Variants in TNRC18 observed in about 807,000 individuals in gnomAD.
TNRC18 encodes the protein trinucleotide repeat-containing gene 18 protein.
TNRC18 carries 69 observed loss-of-function variants against 226.7 expected under a neutral mutation model. The ratio of observed to expected loss-of-function variants is 0.30; its 90% CI spans 0.25 to 0.37. The LOEUF (loss-of-function observed/expected upper bound fraction) is 0.37. TNRC18 is among the 10% of genes least tolerant of loss of function. The probability of loss-of-function intolerance (pLI) is 1.00; values close to 1 mark genes in which losing one functional copy is unlikely to be tolerated. For synonymous variants in TNRC18, 2,449 were observed against 1,927.6 expected, an observed-to-expected ratio of 1.27 and a Z score of -7.09; for missense variants, 4,754 against 4,256.6, an observed-to-expected ratio of 1.12 and a Z score of -3.25.
In TNRC18 at chr7:5,374,405, T is replaced by C; in HGVS notation, c.2879A>G (p.Lys960Arg). The change falls in exon 10 of 30, where the codon AAG becomes AGG. Residue 960 changes from lysine to arginine, a missense_variant. By Grantham distance (26) the Lys-to-Arg change is conservative. Transcript: ENST00000430969. ...GGGGCCGGCGGTGGCCAGGCCAGCC[T>C]TGCCCGCAGCCTCCAGGCCCCGCTT... ...GSKRGLEAAG[K>R]AGLATAGPGL... The C allele has an allele frequency of 6.5e-7, 1 of 1,534,440 alleles. No homozygotes were observed. The highest frequency in any genetic ancestry group is 1.2e-5 in the South Asian group (1 of 83,462).
chr7:5,335,121 G>C (rs957457966), intron 18 of TNRC18, among the ~76,000 whole-genome samples: 1 of 151,504 alleles, frequency 6.6e-6, no homozygotes, highest in African/African-American at 2.4e-5. Flanking sequence ...GGCTAACATG[G>C]TGAGAAACCT....
At chr7:5,319,393 G>A (rs1788133380) in intron 24 of TNRC18, among the ~76,000 whole-genome samples, 1 of 152,096 alleles carries the variant, frequency 6.6e-6, no homozygotes, top group Admixed American at 6.6e-5. Flanking sequence ...CCCCTCTCTA[G>A]GATACACTGC....
At position 5,308,166 on chromosome 7, in the gene TNRC18, G is replaced by C. The variant is rs377715514; in HGVS notation, c.8847C>G (p.Gly2949=). The C allele has an allele frequency of 3.8e-6, 6 of 1,584,264 alleles. No individual in the cohort carries two copies. The highest frequency in any genetic ancestry group is 1.8e-5 in the Admixed American group (1 of 55,468). The change falls in exon 30 of 30, where the codon GGC becomes GGG. Residue 2949 remains glycine (G), a synonymous_variant. Transcript: ENST00000430969. ...TCATGCCCGTGGTGGGCTCGTAGGT[G>C]CCCGCGAGGTAGTACAGGCCCTCGC... is the stretch of plus-strand genomic sequence containing the variant. ...QDSEGLYYLA[G]TYEPTTGMIF...
At chr7:5,381,933 T>G (rs988480657) in intron 5 of TNRC18, among the ~76,000 whole-genome samples, 2 of 152,142 alleles carry the variant, frequency 1.3e-5, no homozygotes, top group African/African-American at 4.8e-5. Context: ...AGCACTGCAC[T>G]CCAGCCTGGG....
intron 5 of TNRC18, among the ~76,000 whole-genome samples, chr7:5,378,989 T>C (rs1779205545): frequency 6.7e-6 from 1 of 149,422 alleles, no homozygotes; most frequent in Non-Finnish European, 1.5e-5. Context: ...AGGTCAGGAG[T>C]TCGAGACCAG....
rs1787517451 is a variant in TNRC18, at chr7:5,313,539, G to A, written c.7352C>T (p.Pro2451Leu). The A allele has an allele frequency of 1.2e-6, 2 of 1,611,410 alleles. No individual in the cohort carries two copies. Among genetic ancestry groups the A allele is most frequent in the Non-Finnish European group, 1.7e-6 (2 of 1,178,928 alleles). ...RAAEESGAKG[P>L]RRPGEEAELL... The stretch of plus-strand genomic sequence containing the variant: ...CTCGGCCTCCTCCCCCGGCCTCCGA[G>A]GGCCCTTGGCACCCGACTCCTCGGC... Residue 2451 changes from proline (P) to leucine (L), a missense_variant, in exon 27 of 30, where the codon CCT becomes CTT. Transcript: ENST00000430969.
chr7:5,400,940 G>C (rs746081095), intron 2 of TNRC18, among the ~76,000 whole-genome samples: 1 of 152,180 alleles, frequency 6.6e-6, no homozygotes, highest in Non-Finnish European at 1.5e-5. Context: ...TACCCTGGAA[G>C]CTGAGGTGGG....
intron 2 of TNRC18, among the ~76,000 whole-genome samples, chr7:5,410,712 A>G (rs545023795): frequency 6.6e-6 from 1 of 150,998 alleles, no homozygotes; most frequent in East Asian, 2.0e-4. Context: ...CTAAAAATAC[A>G]AAAATTAGTC....
intron 19 of TNRC18, chr7:5,330,029 C>T (rs1789350105): frequency 2.1e-6 from 1 of 470,608 alleles, no homozygotes; most frequent in Non-Finnish European, 4.4e-6. Context: ...GGAAAATCAC[C>T]CCACATCTCA....
chr7:5,363,750 G>A (rs528082256), intron 11 of TNRC18, among the ~76,000 whole-genome samples: 55 of 152,100 alleles, frequency 3.6e-4, no homozygotes, highest in African/African-American at 1.2e-3. Context: ...CCAGCAGTAC[G>A]GCTCTCCTTC....
rs1159740269 is a variant in TNRC18, at chr7:5,388,303, C to G, written c.1521G>C (p.Glu507Asp). ...CCAGCTCGAAGGGTTTCCATTTATG[C>G]TCAGGGCCGGTGGGCGGGGGGCGCC... ...EPGRPPPTGP[E>D]HKWKPFELGN... Residue 507 changes from glutamate (E) to aspartate (D), a missense_variant, in exon 5 of 30, where the codon GAG becomes GAC. Transcript: ENST00000430969. 1 of 1,606,586 alleles carries G rather than the reference C, an allele frequency of 6.2e-7. No individual in the cohort carries two copies. The highest frequency in any genetic ancestry group is 8.5e-7 in the Non-Finnish European group (1 of 1,177,370).
chr7:5,403,665 A>C (rs11768368), intron 2 of TNRC18, among the ~76,000 whole-genome samples: 3 of 151,704 alleles, frequency 2.0e-5, no homozygotes, highest in Non-Finnish European at 4.4e-5. Context: ...AGTGGTGTAC[A>C]CCTGTAGTCC....
intron 2 of TNRC18, among the ~76,000 whole-genome samples, chr7:5,397,864 C>G (rs1411518130): frequency 1.3e-5 from 2 of 152,168 alleles, no homozygotes; most frequent in Admixed American, 1.3e-4. Flanking sequence ...CTGTCTTCCC[C>G]GAGAGACAGT....
intron 25 of TNRC18, 105 bp downstream of exon 25, chr7:5,315,851 T>C: frequency 1.3e-6 from 1 of 791,686 alleles, no homozygotes; most frequent in Non-Finnish European, 1.9e-6. Context: ...CCATCACCTG[T>C]GGCTCCAAAT....
chr7:5,401,678 C>CA (rs1382721110), intron 2 of TNRC18, among the ~76,000 whole-genome samples: 2 of 152,244 alleles, frequency 1.3e-5, no homozygotes, highest in Non-Finnish European at 2.9e-5. Flanking sequence ...ACTTTATTTA[C>CA]AAAAACAAGA....
rs371084813 is a variant in TNRC18, at chr7:5,393,282, C to G, written c.343+1158G>C. Among the ~76,000 whole-genome samples the G allele has an allele frequency of 7.9e-5, 12 of 152,374 alleles. No individual in the cohort carries two copies. In the South Asian group the frequency reaches 2.3e-3, roughly 29 times the overall value. On this transcript the variant is annotated intron_variant, in intron 3 of 29. Transcript: ENST00000430969. ...GTGCGACCCCAGCCTAGAAGGCCCACTCTGTGCAGGCTGGGCACCCTCGTG... is the reference window on the plus strand; with the variant it reads ...GTGCGACCCCAGCCTAGAAGGCCCAGTCTGTGCAGGCTGGGCACCCTCGTG...
At chr7:5,403,335 T>C (rs1423981792) in intron 2 of TNRC18, among the ~76,000 whole-genome samples, 1 of 152,090 alleles carries the variant, frequency 6.6e-6, no homozygotes, top group Non-Finnish European at 1.5e-5. Context: ...TAAATTTGTA[T>C]TTTTAGTAGA....
chr7:5,385,647 G>T (rs1441779887), intron 5 of TNRC18, among the ~76,000 whole-genome samples: 1 of 151,014 alleles, frequency 6.6e-6, no homozygotes, highest in Non-Finnish European at 1.5e-5. Flanking sequence ...TCATACCACT[G>T]CACTCCAGCG....
Position 5,388,591 on chromosome 7 carries a change from C to T in TNRC18, c.1233G>A (p.Gln411=). ...EREAGRPGVL[Q]APPGSPRPLD... ...GAGGCCGCGGGGAGCCGGGGGGCGC[C>T]TGCAGGACCCCTGGCCTGCCAGCCT... Residue 411 remains glutamine (Q), a synonymous_variant, in exon 5 of 30, where the codon CAG becomes CAA. Transcript: ENST00000430969. The T allele has an allele frequency of 7.7e-7, 1 of 1,299,120 alleles. No homozygotes were observed. Among genetic ancestry groups the T allele is most frequent in the Admixed American group, 4.3e-5 (1 of 23,178 alleles). 80.5% of individuals were successfully genotyped at this position (1,299,120 alleles called of 1,614,324 possible).
Sources: allele counts gnomAD v4.1 joint callset (sites outside exome capture counted in the v4.1 genomes callset), GRCh38; gene constraint gnomAD v4.1.1; transcripts MANE v1.5; gene names NCBI Gene and HGNC (gene_info 2026-07-23, HGNC 2026-07-21).